The following PPP1R9A variants were observed in gnomAD, a reference collection of about 807,000 sequenced individuals.
The protein encoded by PPP1R9A is protein phosphatase 1 regulatory subunit 9A.
A neutral mutation model predicts 141.9 loss-of-function variants in PPP1R9A; 59 were observed. That is an observed-to-expected ratio of 0.42 (90% CI 0.34 to 0.52). The LOEUF is 0.52. Ranked by LOEUF, PPP1R9A falls within the 20% of genes least tolerant of loss-of-function variation. The pLI is 0.10. For synonymous variants in PPP1R9A, 500 were observed against 569.7 expected (o/e 0.88, Z 1.74); for missense variants, 1,444 against 1,611.9 (o/e 0.90, Z 1.78).
chr7:94,942,352 A>T (rs924839797), intron 2 of PPP1R9A, among the ~76,000 whole-genome samples: 1 of 152,214 alleles, frequency 6.6e-6, no homozygotes, highest in Non-Finnish European at 1.5e-5. Flanking sequence ...GAATAAGTCA[A>T]CCCTATCAAT....
chr7:95,185,476 GT>G (rs1659008704), intron 5 of PPP1R9A, among the ~76,000 whole-genome samples: 2 of 152,050 alleles, frequency 1.3e-5, no homozygotes, highest in Non-Finnish European at 2.9e-5. Context: ...CACTCTTGGG[GT>G]TTTCTGTTTA....
chr7:95,287,001 T>G (rs1805474691), intron 18 of PPP1R9A: 3 of 1,236,336 alleles, frequency 2.4e-6, no homozygotes, highest in Non-Finnish European at 3.4e-6. Flanking sequence ...GCCCGTATTC[T>G]TCAAGCTTGG....
At chr7:95,087,841 G>A (rs1187955339) in intron 2 of PPP1R9A, among the ~76,000 whole-genome samples, 1 of 151,280 alleles carries the variant, frequency 6.6e-6, no homozygotes, top group Non-Finnish European at 1.5e-5. Context: ...GTTGCAGTGA[G>A]CCGAGATCGT....
At chr7:95,231,786 A>T (rs1401391982) in intron 8 of PPP1R9A, among the ~76,000 whole-genome samples, 3 of 152,156 alleles carry the variant, frequency 2.0e-5, no homozygotes, top group African/African-American at 7.2e-5. Flanking sequence ...CTACATCAAA[A>T]AGTCTGAAAG....
At chr7:95,020,606 C>A (rs140184592) in intron 2 of PPP1R9A, among the ~76,000 whole-genome samples, 1 of 152,058 alleles carries the variant, frequency 6.6e-6, no homozygotes, top group Non-Finnish European at 1.5e-5. Flanking sequence ...TGCTATCCCT[C>A]CCCTAGCCAC....
chr7:95,080,081 T>C (rs1459503797), intron 2 of PPP1R9A, among the ~76,000 whole-genome samples: 2 of 152,152 alleles, frequency 1.3e-5, no homozygotes, highest in African/African-American at 2.4e-5. Flanking sequence ...TTGGAAGTTC[T>C]GGCCAGGGCA....
chr7:95,082,412 C>A (rs1816000003), intron 2 of PPP1R9A, among the ~76,000 whole-genome samples: 1 of 152,042 alleles, frequency 6.6e-6, no homozygotes, highest in Non-Finnish European at 1.5e-5. Context: ...GAGGCTAAGG[C>A]AGAGTTGTCT....
At chr7:95,021,840 T>G (rs890489022) in intron 2 of PPP1R9A, among the ~76,000 whole-genome samples, 8 of 152,120 alleles carry the variant, frequency 5.3e-5, no homozygotes, top group Admixed American at 3.3e-4. Context: ...TCTCTGTTTT[T>G]GTACCAGTAC....
rs145397787 is a variant in PPP1R9A, at chr7:95,192,643, A to T, written c.1755-5706A>T. On this transcript the variant is annotated intron_variant, in intron 5 of 19. Transcript: ENST00000433360. Reference sequence around the variant, plus strand: ...TAGTATACTCATTTTACAACTGTGGAAACAAAGGCTTAGAAATATTAATAC... The same window carrying T: ...TAGTATACTCATTTTACAACTGTGGTAACAAAGGCTTAGAAATATTAATAC... 1.5e-3 allele frequency among the ~76,000 whole-genome samples: 225 copies of T among 152,200 alleles called. 1 individual carries two copies. The highest frequency in any genetic ancestry group is 5.3e-3 in the African/African-American group (222 of 41,570).
At chr7:95,122,304 G>T (rs1470211058) in intron 4 of PPP1R9A, among the ~76,000 whole-genome samples, 2 of 151,986 alleles carry the variant, frequency 1.3e-5, no homozygotes, top group African/African-American at 4.8e-5. Flanking sequence ...GGACCACCAC[G>T]CCCAGCTAAT....
chr7:94,966,074 T>C (rs1427086169), intron 2 of PPP1R9A, among the ~76,000 whole-genome samples: 1 of 152,074 alleles, frequency 6.6e-6, no homozygotes, highest in African/African-American at 2.4e-5. Context: ...TTATTCTCTT[T>C]GTAGCAATTG....
At chr7:95,061,726 C>T (rs889974235) in intron 2 of PPP1R9A, among the ~76,000 whole-genome samples, 1 of 152,138 alleles carries the variant, frequency 6.6e-6, no homozygotes, top group South Asian at 2.1e-4. Flanking sequence ...CAGAATGAGA[C>T]CCTGTGTCGA....
At chr7:95,090,551 G>A (rs1261392958) in intron 2 of PPP1R9A, among the ~76,000 whole-genome samples, 1 of 151,976 alleles carries the variant, frequency 6.6e-6, no homozygotes, top group Non-Finnish European at 1.5e-5. Context: ...GCTCAAGCCT[G>A]TAATCTCAGC....
At chr7:94,997,604 C>CAGTG (rs1466028099) in intron 2 of PPP1R9A, among the ~76,000 whole-genome samples, 1 of 152,114 alleles carries the variant, frequency 6.6e-6, no homozygotes, top group Non-Finnish European at 1.5e-5. Flanking sequence ...TCTTGCAGCC[C>CAGTG]AGTGAGACCA....
intron 2 of PPP1R9A, among the ~76,000 whole-genome samples, chr7:94,986,026 T>C (rs1287794693): frequency 1.3e-5 from 2 of 152,202 alleles, no homozygotes; most frequent in African/African-American, 2.4e-5. Context: ...CTTTGGAAGC[T>C]AACTTGATAT....
chr7:95,062,056 A>T (rs1157565671), intron 2 of PPP1R9A, among the ~76,000 whole-genome samples: 1 of 152,104 alleles, frequency 6.6e-6, no homozygotes, highest in East Asian at 1.9e-4. Flanking sequence ...ATCCTCTGGT[A>T]ATTGTTTCTG....
intron 16 of PPP1R9A, among the ~76,000 whole-genome samples, chr7:95,282,047 G>A (rs944539673): frequency 6.6e-6 from 1 of 152,092 alleles, no homozygotes; most frequent in Non-Finnish European, 1.5e-5. Flanking sequence ...TGGAACCTAA[G>A]CTAAAAAACA....
rs144017495 is a variant in PPP1R9A, at chr7:95,180,912, T to C, written c.1755-17437T>C. Among the ~76,000 whole-genome samples, 1,165 of 152,146 alleles carry C rather than the reference T, an allele frequency of 7.7e-3. 28 individuals are homozygous for C. Among genetic ancestry groups the C allele is most frequent in the Admixed American group, 0.041 (621 of 15,246 alleles). On this transcript the variant is annotated intron_variant, in intron 5 of 19. Transcript: ENST00000433360. ...GGATGCAGTGATCATGGAACACTTC[T>C]ACACTGCTGGTGGGAATGTAAACTA...
chr7:95,159,855 G>A (rs1359291282), intron 4 of PPP1R9A, among the ~76,000 whole-genome samples: 3 of 151,194 alleles, frequency 2.0e-5, no homozygotes, highest in Non-Finnish European at 4.4e-5. Context: ...GAACCCGGGA[G>A]GCGGAGGTTG....
Sources: gnomAD v4.1 joint callset for allele counts (sites outside exome capture counted in the v4.1 genomes callset) on GRCh38, gnomAD v4.1.1 for gene constraint, MANE v1.5 for transcripts, NCBI Gene and HGNC (gene_info 2026-07-23, HGNC 2026-07-21) for gene names.